The following DPP6 variants were observed in gnomAD, a reference collection of about 807,000 sequenced individuals.
DPP6 encodes the protein dipeptidyl peptidase like 6, also known as A-type potassium channel modulatory protein DPP6.
In DPP6, 69 loss-of-function variants were observed where a neutral mutation model predicts 122.6. That is an observed-to-expected ratio of 0.56 (90% CI 0.46 to 0.69). DPP6 has a LOEUF of 0.69. DPP6 is among the 30% of genes least tolerant of loss of function. The pLI is 0.00. For missense variants in DPP6, 928 were observed against 1,116.9 expected (o/e 0.83, Z 2.41); for synonymous variants, 418 against 433.1 (o/e 0.97, Z 0.43).
At chr7:153,960,311 A>G (rs1476552501) in intron 1 of DPP6, among the ~76,000 whole-genome samples, 5 of 151,966 alleles carry the variant, frequency 3.3e-5, no homozygotes, top group Admixed American at 1.3e-4. Context: ...ATTGGAGTCA[A>G]TCCTCTCCAG....
chr7:154,179,655 C>A (rs1797977054), intron 1 of DPP6, among the ~76,000 whole-genome samples: 1 of 152,126 alleles, frequency 6.6e-6, no homozygotes, highest in East Asian at 1.9e-4. Context: ...AGGCTTATGG[C>A]CTTGGTCATC....
chr7:153,806,939 A>G, the DPP6 span, among the ~76,000 whole-genome samples: 3 of 152,040 alleles, frequency 2.0e-5, no homozygotes, highest in Non-Finnish European at 2.9e-5. Context: ...TAGATTTGCA[A>G]CTATTAAATA....
chr7:153,864,635 C>T, the DPP6 span, among the ~76,000 whole-genome samples: 3 of 150,872 alleles, frequency 2.0e-5, no homozygotes, highest in African/African-American at 7.3e-5. Context: ...CCAGCCTGGG[C>T]AACAGAGCAA....
intron 1 of DPP6, among the ~76,000 whole-genome samples, chr7:153,926,814 G>A (rs58694972): frequency 0.57 from 84,491 of 147,496 alleles, 24,569 homozygotes; most frequent in African/African-American, 0.73. Context: ...GTAAAAAAAA[G>A]AAAAAAAAAA....
intron 1 of DPP6, among the ~76,000 whole-genome samples, chr7:154,115,103 T>C (rs1427255420): frequency 2.0e-5 from 3 of 152,224 alleles, no homozygotes; most frequent in African/African-American, 4.8e-5. Flanking sequence ...GGGCTGCCCC[T>C]GTAATATGGC....
chr7:154,555,851 A>G (rs948724939), intron 4 of DPP6, among the ~76,000 whole-genome samples: 1 of 152,004 alleles, frequency 6.6e-6, no homozygotes, highest in African/African-American at 2.4e-5. Context: ...AGCAAACTAT[A>G]AGATCTTGTT....
At chr7:154,668,706 T>A (rs578232048) in intron 6 of DPP6, among the ~76,000 whole-genome samples, 1 of 152,336 alleles carries the variant, frequency 6.6e-6, no homozygotes, top group East Asian at 1.9e-4. Flanking sequence ...ACTTATAAAA[T>A]GTTAGCACTT....
intron 1 of DPP6, among the ~76,000 whole-genome samples, chr7:154,025,124 A>T (rs1798904726): frequency 5.3e-5 from 8 of 152,200 alleles, no homozygotes; most frequent in Admixed American, 5.2e-4. Context: ...TATTGGCATC[A>T]TCAGTATTTA....
intron 5 of DPP6, among the ~76,000 whole-genome samples, chr7:154,577,445 A>G (rs2130639789): frequency 6.6e-6 from 1 of 152,292 alleles, no homozygotes; most frequent in Admixed American, 6.5e-5. Flanking sequence ...AAGTTTAGAC[A>G]GCCAGGGGCA....
intron 1 of DPP6, among the ~76,000 whole-genome samples, chr7:154,005,188 A>G (rs1205915662): frequency 1.3e-5 from 2 of 152,246 alleles, no homozygotes; most frequent in African/African-American, 2.4e-5. Context: ...TTCAGATTTC[A>G]TCTTGGAGAC....
rs58978160 is a variant in DPP6 at position 154,438,469 on chromosome 7, C to CAAAAAAAAAA, written c.244-7726_244-7717dup. On this transcript the variant is annotated intron_variant, in intron 1 of 25. Coordinates refer to ENST00000377770, the MANE Select transcript of DPP6 (RefSeq NM_130797.4). ...TGGGTGACAGAGTGAGACTCCAACTCAAAAAAAAAAAAAAAAAAAAAAAAA... is the reference window on the plus strand; with the variant it reads ...TGGGTGACAGAGTGAGACTCCAACTCAAAAAAAAAAAAAAAAAAAAAAAAAAAAAAAAAAA... Among the ~76,000 whole-genome samples the CAAAAAAAAAA allele has an allele frequency of 1.4e-3, 54 of 37,480 alleles. 1 individual carries two copies. The highest frequency in any genetic ancestry group is 2.0e-3 in the Non-Finnish European group (42 of 20,728). The allele number at this position is 37,480 out of a possible 152,430, so 24.6% of individuals were successfully genotyped here. A position where few individuals can be genotyped will look rare whatever the true frequency, so the allele number is the denominator to read the frequency against.
chr7:154,232,374 G>A (rs1240233648), intron 1 of DPP6, among the ~76,000 whole-genome samples: 2 of 152,164 alleles, frequency 1.3e-5, no homozygotes, highest in African/African-American at 4.8e-5. Flanking sequence ...CCTCTGGAGT[G>A]ATCATCTACT....
chr7:153,830,929 G>T, the DPP6 span, among the ~76,000 whole-genome samples: 2 of 152,144 alleles, frequency 1.3e-5, no homozygotes, highest in Admixed American at 1.3e-4. Context: ...GCATTTATTT[G>T]ATTCACTTAG....
At chr7:154,540,485 A>G (rs746797826) in intron 3 of DPP6, 47 bp from the exon 4 acceptor site, 1 of 1,174,886 alleles carries the variant, frequency 8.5e-7, no homozygotes, top group Non-Finnish European at 1.3e-6. Context: ...AGTTGAGGAG[A>G]GTTCCTTGAT....
chr7:154,703,541 C>A (rs1234173581), intron 7 of DPP6, among the ~76,000 whole-genome samples: 2 of 150,770 alleles, frequency 1.3e-5, no homozygotes, highest in Admixed American at 1.3e-4. Context: ...ATCACTTGAA[C>A]CCAGGAGGCA....
chr7:154,302,536 G>A (rs765837592), intron 1 of DPP6, among the ~76,000 whole-genome samples: 8 of 152,216 alleles, frequency 5.3e-5, no homozygotes, highest in Non-Finnish European at 1.0e-4. Context: ...ATGGGTGAAT[G>A]GCAGAGTAGA....
chr7:154,757,975 G>T (rs139141036), intron 8 of DPP6, among the ~76,000 whole-genome samples: 1 of 144,940 alleles, frequency 6.9e-6, no homozygotes, highest in Non-Finnish European at 1.5e-5. Flanking sequence ...TCTCCCCCCC[G>T]CCCTCTCCCC....
At chr7:154,735,677 T>C (rs1016747118) in intron 8 of DPP6, among the ~76,000 whole-genome samples, 1 of 152,206 alleles carries the variant, frequency 6.6e-6, no homozygotes, top group African/African-American at 2.4e-5. Context: ...AAGAAGCTGT[T>C]TGGTAGAAGT....
At chr7:153,844,083 ACCTC>A in the DPP6 span, among the ~76,000 whole-genome samples, 1 of 151,206 alleles carries the variant, frequency 6.6e-6, no homozygotes, top group African/African-American at 2.4e-5. Context: ...GTGATGTGAA[ACCTC>A]CCTGACTGCA....
Sources: gnomAD v4.1 joint callset for allele counts (sites outside exome capture counted in the v4.1 genomes callset) on GRCh38, gnomAD v4.1.1 for gene constraint, MANE v1.5 for transcripts, NCBI Gene and HGNC (gene_info 2026-07-23, HGNC 2026-07-21) for gene names.